Variants in PSMA8 observed in about 807,000 individuals in gnomAD.
PSMA8 encodes proteasome 20S subunit alpha 8, also known as proteasome subunit alpha-type 8.
In PSMA8, 18 loss-of-function variants were observed where a neutral mutation model predicts 32.4. The observed-to-expected ratio is 0.56, with a 90% CI of 0.38 to 0.82. PSMA8 has a LOEUF of 0.82. Among genes scored for constraint, PSMA8 ranks in the 40% least tolerant of loss-of-function variants. PSMA8 has a pLI of 0.00. For synonymous variants in PSMA8, 104 were observed against 98.1 expected (o/e 1.06, Z -0.36); for missense variants, 298 against 300.7 (o/e 0.99, Z 0.07).
intron 4 of PSMA8, among the ~76,000 whole-genome samples, chr18:26,172,212 A>G (rs933990489): frequency 7.8e-4 from 119 of 152,358 alleles, no homozygotes; most frequent in African/African-American, 2.7e-3. Context: ...GTATAACACA[A>G]ACAAAAGCAC....
At chr18:26,152,067 C>A in intron 3 of PSMA8, 85 bp downstream of exon 3, 3 of 992,182 alleles carry the variant, frequency 3.0e-6, no homozygotes, top group Non-Finnish European at 4.2e-6. Flanking sequence ...ACAGTTACTC[C>A]AACCATGTAG....
At chr18:26,135,746 A>G (rs1399524566) in intron 1 of PSMA8, among the ~76,000 whole-genome samples, 2 of 152,212 alleles carry the variant, frequency 1.3e-5, no homozygotes, top group Non-Finnish European at 2.9e-5. Flanking sequence ...TGGCTCATTT[A>G]ACATGTTTTA....
At chr18:26,151,407 T>C (rs1204535508) in intron 2 of PSMA8, among the ~76,000 whole-genome samples, 1 of 152,242 alleles carries the variant, frequency 6.6e-6, no homozygotes, top group Non-Finnish European at 1.5e-5. Context: ...GTGTTGAGAA[T>C]TAATCACATG....
chr18:26,190,322 G>C (rs955946217), intron 6 of PSMA8, among the ~76,000 whole-genome samples: 4 of 152,150 alleles, frequency 2.6e-5, no homozygotes, highest in Non-Finnish European at 5.9e-5. Flanking sequence ...AAGGATAAAT[G>C]CTTGAGGGGA....
intron 1 of PSMA8, among the ~76,000 whole-genome samples, chr18:26,140,911 C>G (rs2054950137): frequency 6.6e-6 from 1 of 152,066 alleles, no homozygotes; most frequent in East Asian, 1.9e-4. Context: ...TTTGTCTTTT[C>G]TTGAATCAAC....
At chr18:26,182,782 T>C (rs2055321967) in intron 6 of PSMA8, among the ~76,000 whole-genome samples, 1 of 152,114 alleles carries the variant, frequency 6.6e-6, no homozygotes, top group Non-Finnish European at 1.5e-5. Context: ...CTGGGCAACA[T>C]AGTTAGACTG....
intron 4 of PSMA8, among the ~76,000 whole-genome samples, chr18:26,168,488 G>GTTT (rs774062151): frequency 3.0e-5 from 2 of 67,676 alleles, no homozygotes; most frequent in Admixed American, 1.5e-4. Context: ...CTTTCCCCTT[G>GTTT]TTTTTTTTTT....
intron 4 of PSMA8, among the ~76,000 whole-genome samples, chr18:26,167,085 A>G (rs1315282065): frequency 1.3e-5 from 2 of 152,354 alleles, no homozygotes; most frequent in East Asian, 3.9e-4. Flanking sequence ...TGACTATTAG[A>G]AATTAAAACT....
chr18:26,186,643 A>G (rs77851529), intron 6 of PSMA8, among the ~76,000 whole-genome samples: 23 of 152,346 alleles, frequency 1.5e-4, no homozygotes, highest in African/African-American at 4.8e-4. Flanking sequence ...TTACATATGT[A>G]CTTCTTAAAT....
chr18:26,183,396 A>G (rs2055328153), intron 6 of PSMA8, among the ~76,000 whole-genome samples: 1 of 150,558 alleles, frequency 6.6e-6, no homozygotes. Flanking sequence ...CGTCTAAAAA[A>G]AAAAAAATTA....
At chr18:26,181,881 A>G (rs7228425) in intron 6 of PSMA8, among the ~76,000 whole-genome samples, 42,386 of 150,724 alleles carry the variant, frequency 0.28, 10,005 homozygotes, top group African/African-American at 0.65. Flanking sequence ...CTGAGATGGC[A>G]CCACTGCACT....
intron 4 of PSMA8, among the ~76,000 whole-genome samples, chr18:26,161,760 A>G (rs2055137576): frequency 6.6e-6 from 1 of 152,192 alleles, no homozygotes; most frequent in Non-Finnish European, 1.5e-5. Context: ...AATGCAAGGA[A>G]GTATTCAGTT....
chr18:26,147,684 G>A (rs906563746), intron 2 of PSMA8, among the ~76,000 whole-genome samples: 6 of 152,042 alleles, frequency 3.9e-5, no homozygotes, highest in African/African-American at 1.4e-4. Context: ...ATATTGTAGT[G>A]CTAAATTTGA....
Position 26,144,554 on chromosome 18 carries a change from G to C in PSMA8, c.103-5G>C, listed in dbSNP as rs748557281. 7 of 1,610,644 alleles carry C rather than the reference G, an allele frequency of 4.3e-6. No individual in the cohort carries two copies. Among genetic ancestry groups the C allele is most frequent in the Non-Finnish European group, 5.1e-6 (6 of 1,177,390 alleles). ...GAATATATATGTATTTTAATGACTT[G>C]ACAGGTCGGAATTCGAGGTACCAAT... On this transcript the variant is annotated splice_region_variant and splice_polypyrimidine_tract_variant and intron_variant, in intron 1 of 6. Coordinates refer to ENST00000415576, the MANE Select transcript of PSMA8 (RefSeq NM_001025096.2).
intron 1 of PSMA8, among the ~76,000 whole-genome samples, chr18:26,142,618 A>G (rs7342985): frequency 0.052 from 7,907 of 152,266 alleles, 228 homozygotes; most frequent in East Asian, 0.12. Context: ...TGCTAAAACA[A>G]AAGACAATAG....
rs1395074112 is a variant in PSMA8, at chr18:26,144,630, A to T, written c.174A>T (p.Glu58Asp). The T allele has an allele frequency of 1.2e-6, 2 of 1,613,946 alleles. No individual in the cohort carries two copies. Residue 58 changes from glutamate to aspartate, a missense_variant, in exon 2 of 7, where the codon GAA becomes GAT. By Grantham distance (45) the Glu-to-Asp change is conservative (BLOSUM62 2). Coordinates refer to ENST00000415576, the MANE Select transcript of PSMA8 (RefSeq NM_001025096.2). ...AATCTGTTGCCAAGCTTCAAGATGA[A>T]AGAACTGTGAGGAAAATTTGTGCCC... ...EKKSVAKLQDERTVRKICALD... is the reference protein window; with the variant it reads ...EKKSVAKLQDDRTVRKICALD...
chr18:26,134,367 CTG>C (rs71169816), intron 1 of PSMA8, among the ~76,000 whole-genome samples: 1,857 of 131,496 alleles, frequency 0.014, 29 homozygotes, highest in African/African-American at 0.057. Context: ...GTGTGTGTCT[CTG>C]TGTGTGTGTG....
At chr18:26,148,771 A>G (rs1401072912) in intron 2 of PSMA8, among the ~76,000 whole-genome samples, 2 of 152,250 alleles carry the variant, frequency 1.3e-5, no homozygotes, top group Non-Finnish European at 2.9e-5. Context: ...TAAAGATTCC[A>G]CCAAAAATGT....
At chr18:26,145,580 T>A (rs2144281373) in intron 2 of PSMA8, among the ~76,000 whole-genome samples, 1 of 152,320 alleles carries the variant, frequency 6.6e-6, no homozygotes, top group East Asian at 1.9e-4. Flanking sequence ...CTCTATAATT[T>A]TGTCATTTTG....
Sources: gnomAD v4.1 joint callset for allele counts (sites outside exome capture counted in the v4.1 genomes callset) on GRCh38, gnomAD v4.1.1 for gene constraint, MANE v1.5 for transcripts, NCBI Gene and HGNC (gene_info 2026-07-23, HGNC 2026-07-21) for gene names.